Variants in RNF10 observed in about 807,000 individuals in gnomAD.
RNF10 encodes the protein E3 ubiquitin-protein ligase RNF10.
In RNF10, 38 loss-of-function variants were observed where a neutral mutation model predicts 91.4. The ratio of observed to expected loss-of-function variants is 0.42; its 90% confidence interval spans 0.32 to 0.54. The LOEUF (loss-of-function observed/expected upper bound fraction) is 0.54, where lower values mean the gene tolerates loss of function less well. RNF10 is among the 20% of genes least tolerant of loss of function. RNF10 has a pLI of 0.16. For missense variants in RNF10, 945 were observed against 1,012.0 expected, an observed-to-expected ratio of 0.93 and a Z score of 0.90; for synonymous variants, 364 against 366.3, an observed-to-expected ratio of 0.99 and a Z score of 0.07.
chr12:120,535,078 G>T, intron 1 of RNF10, 110 bp downstream of exon 1: 1 of 1,171,664 alleles, frequency 8.5e-7, no homozygotes, highest in Non-Finnish European at 1.2e-6. Context: ...TTCTTTTATA[G>T]CTCCTACCTG....
intron 1 of RNF10, among the ~76,000 whole-genome samples, chr12:120,538,812 G>A (rs965093542): frequency 1.3e-5 from 2 of 152,162 alleles, no homozygotes; most frequent in Admixed American, 6.5e-5. Flanking sequence ...GTGGTATGAA[G>A]CACTGCCCTG....
chr12:120,562,863 G>C, intron 7 of RNF10, 82 bp from the exon 8 acceptor site: 2 of 1,569,824 alleles, frequency 1.3e-6, no homozygotes, highest in East Asian at 4.5e-5. Context: ...CCTGTTGAGA[G>C]GCCATTCTAA....
chr12:120,551,301 T>TTTG lies in RNF10; in HGVS notation c.355-1196_355-1195insGTT, dbSNP rs1476396469. 1.6e-3 allele frequency among the ~76,000 whole-genome samples: 231 copies of TTTG among 146,480 alleles called. 1 individual carries two copies. Among genetic ancestry groups the TTTG allele is most frequent in the African/African-American group, 5.3e-3 (209 of 39,808 alleles). Reference sequence around the variant, plus strand: ...GCGCCCATCCTAGTGTTTTTTTTTTTTTTTTTTTTTTGAAATGGAGTTTTG... The same window carrying TTTG: ...GCGCCCATCCTAGTGTTTTTTTTTTTTTGTTTTTTTTTTTGAAATGGAGTTTTG... On this transcript the variant is annotated intron_variant, in intron 2 of 16. Transcript: ENST00000325954.
intron 2 of RNF10, 100 bp from the exon 3 acceptor site, chr12:120,552,398 TC>T: frequency 2.1e-6 from 2 of 952,822 alleles, no homozygotes; most frequent in Non-Finnish European, 3.1e-6. Context: ...AGACTCCGTC[TC>T]AAAAAAAAAA....
intron 6 of RNF10, 49 bp downstream of exon 6, chr12:120,557,731 A>G: frequency 1.3e-6 from 2 of 1,597,670 alleles, no homozygotes; most frequent in South Asian, 1.1e-5. Flanking sequence ...ACATTCTTTA[A>G]GGTGATTGAA....
At chr12:120,546,076 C>T (rs1359246213) in intron 1 of RNF10, among the ~76,000 whole-genome samples, 1 of 152,202 alleles carries the variant, frequency 6.6e-6, no homozygotes, top group Non-Finnish European at 1.5e-5. Flanking sequence ...ATGCCTGTTT[C>T]ATTTCCTGTA....
At chr12:120,559,033 T>A (rs1283540153) in intron 6 of RNF10, among the ~76,000 whole-genome samples, 4 of 144,788 alleles carry the variant, frequency 2.8e-5, no homozygotes, top group South Asian at 2.2e-4. Context: ...AAAATTAATT[T>A]AATTAATTAA....
intron 2 of RNF10, among the ~76,000 whole-genome samples, chr12:120,547,389 T>C (rs923062352): frequency 2.0e-5 from 3 of 152,188 alleles, no homozygotes; most frequent in Non-Finnish European, 4.4e-5. Context: ...CCTCCTGGGC[T>C]CAAGTGATCC....
chr12:120,563,587 C>G lies in RNF10; in HGVS notation c.1495C>G (p.Arg499Gly), dbSNP rs150334309. The G allele has an allele frequency of 1.2e-6, 2 of 1,611,150 alleles. No homozygotes were observed. Among genetic ancestry groups the G allele is most frequent in the African/African-American group, 2.7e-5 (2 of 74,880 alleles). The change falls in exon 9 of 17, where the codon CGC becomes GGC. Residue 499 changes from arginine (R) to glycine (G), a missense_variant. Arg to Gly is a moderately radical substitution (Grantham distance 125). Transcript: ENST00000325954. ...QEPITKSGFT[R>G]LSSSPCYYFY... ...ACCCATCACCAAGTCAGGCTTCACA[C>G]GCCTCAGCAGCTCTCCTTGTTACTA...
intron 12 of RNF10, among the ~76,000 whole-genome samples, chr12:120,566,121 G>A (rs1875654003): frequency 6.6e-6 from 1 of 152,178 alleles, no homozygotes; most frequent in Non-Finnish European, 1.5e-5. Context: ...GACTCCATAT[G>A]GCATGGAAAC....
At chr12:120,553,647 C>T (rs1402524724) in intron 3 of RNF10, among the ~76,000 whole-genome samples, 1 of 152,022 alleles carries the variant, frequency 6.6e-6, no homozygotes, top group African/African-American at 2.4e-5. Flanking sequence ...TCATGATCCA[C>T]CCGCCTCGGC....
Position 120,552,551 on chromosome 12 carries a change from A to C in RNF10, c.407A>C (p.Lys136Thr), listed in dbSNP as rs1873269641. Residue 136 changes from lysine (K) to threonine (T), a missense_variant, in exon 3 of 17, where the codon AAG (lysine) becomes ACG (threonine). Coordinates refer to ENST00000325954, the MANE Select transcript of RNF10 (RefSeq NM_014868.5). ...EFSPAQFSGP[K>T]KINLNHLLNF... ...AGCCCTGCCCAGTTCTCTGGTCCTA[A>C]GAAGATCAACCTGAACCACTTGTTG... 1 of 1,614,094 alleles carries C rather than the reference A, an allele frequency of 6.2e-7. No individual in the cohort carries two copies. The highest frequency in any genetic ancestry group is 1.3e-5 in the African/African-American group (1 of 74,938).
chr12:120,543,915 C>T (rs1010510230), intron 1 of RNF10, among the ~76,000 whole-genome samples: 2 of 152,072 alleles, frequency 1.3e-5, no homozygotes, highest in African/African-American at 4.8e-5. Context: ...TATGATGGCA[C>T]CACTGCTTTC....
At chr12:120,562,295 A>T in intron 7 of RNF10, among the ~76,000 whole-genome samples, 1 of 84,144 alleles carries the variant, frequency 1.2e-5, no homozygotes, top group East Asian at 3.6e-4. Flanking sequence ...TTTTTTTGAG[A>T]CAGAGTTTTG....
intron 1 of RNF10, among the ~76,000 whole-genome samples, chr12:120,543,079 C>G (rs955529499): frequency 5.3e-5 from 8 of 152,128 alleles, no homozygotes; most frequent in African/African-American, 1.9e-4. Context: ...AAAATTTGGT[C>G]TCTGATTTAT....
At chr12:120,548,659 T>C (rs1156343250) in intron 2 of RNF10, among the ~76,000 whole-genome samples, 6 of 135,314 alleles carry the variant, frequency 4.4e-5, no homozygotes, top group African/African-American at 1.5e-4. Context: ...TTTTTTTCTT[T>C]CTTTTTTTTT....
intron 1 of RNF10, among the ~76,000 whole-genome samples, chr12:120,540,811 G>A (rs1300135069): frequency 6.6e-6 from 1 of 151,384 alleles, no homozygotes; most frequent in Non-Finnish European, 1.5e-5. Context: ...GGTAATAAGT[G>A]AAGAAATGAA....
At chr12:120,552,248 A>T (rs1185023363) in intron 2 of RNF10, among the ~76,000 whole-genome samples, 1 of 151,996 alleles carries the variant, frequency 6.6e-6, no homozygotes, top group Non-Finnish European at 1.5e-5. Flanking sequence ...TACAAAAATC[A>T]GCTGGGTGTG....
chr12:120,552,552 G>C lies in RNF10; in HGVS notation c.408G>C (p.Lys136Asn). The C allele has an allele frequency of 6.2e-7, 1 of 1,614,210 alleles. No homozygotes were observed. The highest frequency in any genetic ancestry group is 8.5e-7 in the Non-Finnish European group (1 of 1,180,024). ...EFSPAQFSGP[K>N]KINLNHLLNF... Reference sequence around the variant, plus strand: ...GCCCTGCCCAGTTCTCTGGTCCTAAGAAGATCAACCTGAACCACTTGTTGA... The same window carrying C: ...GCCCTGCCCAGTTCTCTGGTCCTAACAAGATCAACCTGAACCACTTGTTGA... Residue 136 changes from lysine to asparagine, a missense_variant, in exon 3 of 17, where the codon AAG becomes AAC. By Grantham distance (94) the Lys-to-Asn change is moderately conservative. Transcript: ENST00000325954.
Sources: gnomAD v4.1 joint callset for allele counts (sites outside exome capture counted in the v4.1 genomes callset) on GRCh38, gnomAD v4.1.1 for gene constraint, MANE v1.5 for transcripts, NCBI Gene and HGNC (gene_info 2026-07-23, HGNC 2026-07-21) for gene names.